CDH12: variants seen among roughly 807,000 people sequenced by gnomAD.
CDH12 encodes the protein cadherin 12, also known as cadherin-12.
In CDH12, 41 loss-of-function variants were observed where a neutral mutation model predicts 74.1. The ratio of observed to expected loss-of-function variants is 0.55; its 90% confidence interval spans 0.43 to 0.72. CDH12 has a LOEUF of 0.72. CDH12 is among the 30% of genes least tolerant of loss of function. The pLI, the probability that CDH12 is intolerant of heterozygous loss-of-function variation, is 0.00. For synonymous variants in CDH12, 399 were observed against 355.0 expected (o/e 1.12, Z -1.39); for missense variants, 945 against 977.2 (o/e 0.97, Z 0.44).
At chr5:22,604,462 C>T (rs1736999521) in intron 1 of CDH12, among the ~76,000 whole-genome samples, 1 of 152,188 alleles carries the variant, frequency 6.6e-6, no homozygotes, top group Non-Finnish European at 1.5e-5. Flanking sequence ...TCACCTTTCT[C>T]AGATGAGCAA....
chr5:22,545,844 A>G (rs1320073805), intron 1 of CDH12, among the ~76,000 whole-genome samples: 4 of 152,174 alleles, frequency 2.6e-5, no homozygotes, highest in South Asian at 2.1e-4. Context: ...AAAAATGTCT[A>G]TTGGTGAAAA....
At position 21,833,099 on chromosome 5, in the gene CDH12, A is replaced by T. The variant is rs866212682; in HGVS notation, c.814+9062T>A. Among the ~76,000 whole-genome samples the T allele has an allele frequency of 2.7e-4, 21 of 78,864 alleles. 1 individual carries two copies. Among genetic ancestry groups the T allele is most frequent in the African/African-American group, 9.9e-4 (20 of 20,268 alleles). The allele number at this position is 78,864 out of a possible 152,430, so 51.7% of individuals were successfully genotyped here. A position where few individuals can be genotyped will look rare whatever the true frequency, so the allele number is the denominator to read the frequency against. ...ATATATTATATTATAAATATATATT[A>T]TATATTATATAACATATAATATATA... is the stretch of plus-strand genomic sequence containing the variant. On this transcript the variant is annotated intron_variant, in intron 8 of 14. Transcript: ENST00000382254.
chr5:21,809,998 A>G (rs942308103), intron 9 of CDH12, among the ~76,000 whole-genome samples: 13 of 152,238 alleles, frequency 8.5e-5, no homozygotes, highest in African/African-American at 2.9e-4. Flanking sequence ...GAATTCATGA[A>G]GATACTTATA....
At chr5:21,945,872 A>G (rs1179742822) in intron 6 of CDH12, among the ~76,000 whole-genome samples, 1 of 152,180 alleles carries the variant, frequency 6.6e-6, no homozygotes, top group Non-Finnish European at 1.5e-5. Flanking sequence ...AAACTATTAA[A>G]AAATAATGAC....
chr5:22,118,892 G>A (rs902005765), intron 4 of CDH12, among the ~76,000 whole-genome samples: 2 of 152,050 alleles, frequency 1.3e-5, no homozygotes, highest in Admixed American at 1.3e-4. Flanking sequence ...GTTGGGGTGG[G>A]GGATAGTTGA....
At chr5:22,586,490 AAT>A (rs71609772) in intron 1 of CDH12, among the ~76,000 whole-genome samples, 6 of 125,020 alleles carry the variant, frequency 4.8e-5, no homozygotes, top group Middle Eastern at 4.1e-3. Context: ...AGTATAATAA[AAT>A]ATATATATAT....
chr5:22,034,809 A>G (rs1050722108), intron 5 of CDH12, among the ~76,000 whole-genome samples: 2 of 152,222 alleles, frequency 1.3e-5, no homozygotes, highest in African/African-American at 4.8e-5. Context: ...TATTAAAACT[A>G]TATGGGAGTC....
intron 4 of CDH12, among the ~76,000 whole-genome samples, chr5:22,108,864 C>A (rs1744655207): frequency 6.6e-6 from 1 of 152,108 alleles, no homozygotes; most frequent in Non-Finnish European, 1.5e-5. Flanking sequence ...CAGGTTTTTT[C>A]AGCAACCCCC....
At chr5:22,685,227 C>A (rs2126934797) in intron 1 of CDH12, among the ~76,000 whole-genome samples, 1 of 152,164 alleles carries the variant, frequency 6.6e-6, no homozygotes, top group South Asian at 2.1e-4. Context: ...TTCGTCACCT[C>A]AACCCATATT....
chr5:21,753,902 C>A (rs1465569166), intron 14 of CDH12, among the ~76,000 whole-genome samples: 1 of 151,970 alleles, frequency 6.6e-6, no homozygotes, highest in African/African-American at 2.4e-5. Context: ...GAAAGAGTTT[C>A]TCTGAAATAA....
At chr5:22,263,188 A>G (rs1466780046) in intron 3 of CDH12, among the ~76,000 whole-genome samples, 2 of 152,188 alleles carry the variant, frequency 1.3e-5, no homozygotes, top group Non-Finnish European at 2.9e-5. Context: ...GTGAATTTAT[A>G]TGATTATTGG....
intron 1 of CDH12, among the ~76,000 whole-genome samples, chr5:22,693,629 ATTG>A (rs1742199648): frequency 1.3e-5 from 2 of 152,186 alleles, no homozygotes; most frequent in Non-Finnish European, 2.9e-5. Context: ...TCATTCAAAC[ATTG>A]TTTACAGAGA....
At chr5:22,722,083 C>T (rs1743927694) in intron 1 of CDH12, among the ~76,000 whole-genome samples, 1 of 152,152 alleles carries the variant, frequency 6.6e-6, no homozygotes, top group South Asian at 2.1e-4. Context: ...TTGGCTACAC[C>T]CTCAGGTGTC....
intron 1 of CDH12, among the ~76,000 whole-genome samples, chr5:22,678,998 T>C (rs1020462769): frequency 1.3e-4 from 20 of 152,134 alleles, no homozygotes; most frequent in African/African-American, 4.6e-4. Flanking sequence ...AACTTCCAAG[T>C]TCATGGAGTA....
chr5:22,348,228 C>G (rs1056027908), intron 3 of CDH12, among the ~76,000 whole-genome samples: 1 of 152,144 alleles, frequency 6.6e-6, no homozygotes, highest in Non-Finnish European at 1.5e-5. Flanking sequence ...CTGAGATAAC[C>G]GTTAGAGCTT....
At chr5:21,859,388 C>T (rs1298094346) in intron 6 of CDH12, among the ~76,000 whole-genome samples, 1 of 151,890 alleles carries the variant, frequency 6.6e-6, no homozygotes, top group Non-Finnish European at 1.5e-5. Flanking sequence ...TGAAAACCCA[C>T]TCACTATCAT....
chr5:22,527,044 A>C (rs1292737868), intron 1 of CDH12, among the ~76,000 whole-genome samples: 1 of 152,136 alleles, frequency 6.6e-6, no homozygotes, highest in East Asian at 1.9e-4. Flanking sequence ...CTGGTGGGCT[A>C]CAGTTATGTT....
intron 4 of CDH12, among the ~76,000 whole-genome samples, chr5:22,099,175 A>G (rs1190202049): frequency 6.6e-6 from 1 of 152,086 alleles, no homozygotes; most frequent in African/African-American, 2.4e-5. Flanking sequence ...GAAGGCCACC[A>G]CTGTCATTTC....
intron 1 of CDH12, among the ~76,000 whole-genome samples, chr5:22,654,088 CT>C (rs1739885140): frequency 7.0e-6 from 1 of 143,450 alleles, no homozygotes; most frequent in Non-Finnish European, 1.5e-5. Flanking sequence ...CTTCCCCTTC[CT>C]TTCTTCCTTC....
Sources: gnomAD v4.1 joint callset for allele counts (sites outside exome capture counted in the v4.1 genomes callset) on GRCh38, gnomAD v4.1.1 for gene constraint, MANE v1.5 for transcripts, NCBI Gene and HGNC (gene_info 2026-07-23, HGNC 2026-07-21) for gene names.